ZNF248: variants seen among roughly 807,000 people sequenced by gnomAD.
The protein encoded by ZNF248 is zinc finger protein 248.
Under a neutral mutation model 44.3 loss-of-function variants are expected in ZNF248, and 20 were observed. The ratio of observed to expected loss-of-function variants is 0.45; its 90% confidence interval spans 0.32 to 0.66. The LOEUF is 0.66. Ranked by LOEUF, ZNF248 falls within the 30% of genes least tolerant of loss-of-function variation. The pLI is 0.04. For missense variants in ZNF248, 654 were observed against 677.0 expected (o/e 0.97, Z 0.38); for synonymous variants, 224 against 229.0 (o/e 0.98, Z 0.20).
In ZNF248 at chr10:37,832,569, T is replaced by C. The variant is rs2056078548; in HGVS notation, c.786A>G (p.Arg262=). 1 of 1,613,658 alleles carries C rather than the reference T, an allele frequency of 6.2e-7. No individual in the cohort carries two copies. Among genetic ancestry groups the C allele is most frequent in the African/African-American group, 1.3e-5 (1 of 74,902 alleles). The part of the protein sequence containing the change: ...IESLKLNISQ[R]PHLEMEPYGC... Reference sequence around the variant, plus strand: ...CATACGGCTCCATTTCCAAATGAGGTCTTTGAGATATATTCAGCTTTAAAC... The same window carrying C: ...CATACGGCTCCATTTCCAAATGAGGCCTTTGAGATATATTCAGCTTTAAAC... The change falls in exon 6 of 6, where the codon AGA becomes AGG. Residue 262 remains arginine (R), a synonymous_variant. Transcript: ENST00000395867.
chr10:37,779,796 T>C (rs1484035957), intron 6 of ZNF248, among the ~76,000 whole-genome samples: 2 of 149,558 alleles, frequency 1.3e-5, no homozygotes, highest in Middle Eastern at 3.3e-3. Flanking sequence ...CTCCTTAAGC[T>C]GATAAGCAAC....
chr10:37,831,864 A>G lies in ZNF248; in HGVS notation c.1491T>C (p.Cys497=). ...TTGACTTCACACAGAAGGATTTTCC[A>G]CATTCATTACATATAAACGGTTTCT... The part of the protein sequence containing the change: ...TGEKPFICNE[C]GKSFCVKSNL... Residue 497 remains cysteine, a synonymous_variant, in exon 6 of 6, where the codon TGT becomes TGC. Coordinates refer to ENST00000395867, the MANE Select transcript of ZNF248 (RefSeq NM_021045.3). 1.9e-6 allele frequency: 3 copies of G among 1,614,066 alleles called. No homozygotes were observed. The highest frequency in any genetic ancestry group is 2.5e-6 in the Non-Finnish European group (3 of 1,179,966).
downstream of ZNF248, among the ~76,000 whole-genome samples, chr10:37,827,706 T>G (rs950884679): frequency 7.2e-5 from 11 of 151,996 alleles, no homozygotes; most frequent in African/African-American, 2.7e-4. Context: ...AGGAGAGATA[T>G]GATGAAAGGA....
At chr10:37,843,105 CAG>C (rs1281169197) in intron 3 of ZNF248, among the ~76,000 whole-genome samples, 1 of 152,092 alleles carries the variant, frequency 6.6e-6, no homozygotes, top group South Asian at 2.1e-4. Flanking sequence ...AGCTAAGGAA[CAG>C]AGACTTCAGT....
Position 37,829,619 on chromosome 10 carries a change from A to C in ZNF248, c.*1996T>G. On this transcript the variant is annotated 3_prime_UTR_variant, in exon 6 of 6. Coordinates refer to ENST00000395867, the MANE Select transcript of ZNF248 (RefSeq NM_021045.3). The stretch of plus-strand genomic sequence containing the variant: ...AGTAGAGAACAGGTATAGAGAGCAG[A>C]GTAGCTCGGCAACGTCACCTCTGAG... The C allele has an allele frequency of 1.0e-6, 1 of 985,428 alleles. No individual in the cohort carries two copies. The highest frequency in any genetic ancestry group is 1.2e-6 in the Non-Finnish European group (1 of 829,928). 61.0% of individuals were successfully genotyped at this position (985,428 alleles called of 1,614,324 possible).
At chr10:37,784,467 T>C (rs1486044160) in intron 6 of ZNF248, among the ~76,000 whole-genome samples, 1 of 152,244 alleles carries the variant, frequency 6.6e-6, no homozygotes, top group African/African-American at 2.4e-5. Context: ...TCCGTCTCCC[T>C]GGCTAAATTG....
chr10:37,807,736 GTGT>G (rs1265525811), intron 6 of ZNF248, among the ~76,000 whole-genome samples: 1 of 152,070 alleles, frequency 6.6e-6, no homozygotes, highest in Non-Finnish European at 1.5e-5. Flanking sequence ...TGATTTTTGT[GTGT>G]TGATTTTGTA....
Position 37,857,282 on chromosome 10 carries a change from C to A in ZNF248, c.-223G>T, listed in dbSNP as rs1216323994. On this transcript the variant is annotated 5_prime_UTR_variant, in exon 1 of 6. Coordinates refer to ENST00000395867, the MANE Select transcript of ZNF248 (RefSeq NM_021045.3). ...TGATTACACATAATACATAAGCGAA[C>A]GCGAAACGTGTAAATAATTACTTGG... is the stretch of plus-strand genomic sequence containing the variant. 1 of 152,408 alleles carries A rather than the reference C, an allele frequency of 6.6e-6. No individual in the cohort carries two copies. The highest frequency in any genetic ancestry group is 1.5e-5 in the Non-Finnish European group (1 of 68,090). The allele number at this position is 152,408 out of a possible 1,614,324, so 9.4% of individuals were successfully genotyped here.
At chr10:37,806,689 T>C (rs544369292) in intron 6 of ZNF248, among the ~76,000 whole-genome samples, 1 of 152,320 alleles carries the variant, frequency 6.6e-6, no homozygotes, top group Admixed American at 6.5e-5. Flanking sequence ...ATTTTGTGTG[T>C]TGCCTTTTCA....
At chr10:37,771,539 C>G (rs2046225099), downstream of ZNF248, among the ~76,000 whole-genome samples, 1 of 150,140 alleles carries the variant, frequency 6.7e-6, no homozygotes, top group South Asian at 2.1e-4. Context: ...AATCAAAACA[C>G]CGCATGTTCT....
chr10:37,766,999 C>T, the ZNF248 span, among the ~76,000 whole-genome samples: 1 of 151,902 alleles, frequency 6.6e-6, no homozygotes, highest in African/African-American at 2.4e-5. Context: ...GGAGCCGATG[C>T]AATCAACTGG....
At chr10:37,802,022 C>T (rs562308060) in intron 6 of ZNF248, among the ~76,000 whole-genome samples, 6 of 152,110 alleles carry the variant, frequency 3.9e-5, no homozygotes, top group Non-Finnish European at 4.4e-5. Flanking sequence ...AGCTCAGCTT[C>T]GATAATCTGG....
At chr10:37,811,931 A>G (rs193016744) in intron 6 of ZNF248, among the ~76,000 whole-genome samples, 75 of 151,918 alleles carry the variant, frequency 4.9e-4, no homozygotes, top group Admixed American at 4.5e-3. Context: ...AAGTTCCCAG[A>G]TGCCATTAAG....
intron 6 of ZNF248, among the ~76,000 whole-genome samples, chr10:37,798,551 TCC>T (rs1484083046): frequency 6.6e-6 from 1 of 152,182 alleles, no homozygotes; most frequent in Non-Finnish European, 1.5e-5. Flanking sequence ...TAGTGTTCTA[TCC>T]TTTGTGTAAG....
the ZNF248 span, among the ~76,000 whole-genome samples, chr10:37,768,192 C>G: frequency 3.3e-5 from 5 of 152,192 alleles, no homozygotes; most frequent in Admixed American, 2.0e-4. Flanking sequence ...CTTTAACACC[C>G]CACTGACAAC....
In ZNF248 at chr10:37,831,855, G is replaced by T; in HGVS notation, c.1500C>A (p.Ser500=). Residue 500 remains serine (S), a synonymous_variant, in exon 6 of 6, where the codon TCC becomes TCA. Transcript: ENST00000395867. ...CAATGAGGTTTGACTTCACACAGAA[G>T]GATTTTCCACATTCATTACATATAA... is the stretch of plus-strand genomic sequence containing the variant. The part of the protein sequence containing the change: ...KPFICNECGK[S]FCVKSNLIVH... 1 of 1,613,894 alleles carries T rather than the reference G, an allele frequency of 6.2e-7. No homozygotes were observed. The highest frequency in any genetic ancestry group is 8.5e-7 in the Non-Finnish European group (1 of 1,179,942).
chr10:37,831,543 C>T lies in ZNF248; in HGVS notation c.*72G>A, dbSNP rs1589617299. 1.9e-5 allele frequency: 29 copies of T among 1,530,570 alleles called. No individual in the cohort carries two copies. In the East Asian group the frequency reaches 6.6e-4, roughly 35 times the overall value. 94.8% of individuals were successfully genotyped at this position (1,530,570 alleles called of 1,614,324 possible). The stretch of plus-strand genomic sequence containing the variant: ...TCATTTTCTACAAATTTCTGACATT[C>T]TTTGGCTTTCTCTGATCTCCTTTTT... On this transcript the variant is annotated 3_prime_UTR_variant, in exon 6 of 6. Coordinates refer to ENST00000395867, the MANE Select transcript of ZNF248 (RefSeq NM_021045.3).
chr10:37,824,673 AT>A (rs755411927), downstream of ZNF248, among the ~76,000 whole-genome samples: 51 of 79,716 alleles, frequency 6.4e-4, no homozygotes, highest in African/African-American at 2.2e-3. Flanking sequence ...ATTATTTTAA[AT>A]TTTTTTTTTT....
chr10:37,857,823 C>G (rs2061571692), upstream of ZNF248: 1 of 152,526 alleles, frequency 6.6e-6, no homozygotes, highest in African/African-American at 2.4e-5. Context: ...TACGGACCCC[C>G]GGGAGCCCCG....
Sources: allele counts gnomAD v4.1 joint callset (sites outside exome capture counted in the v4.1 genomes callset), GRCh38; gene constraint gnomAD v4.1.1; transcripts MANE v1.5; gene names NCBI Gene and HGNC (gene_info 2026-07-23, HGNC 2026-07-21).